Variants in GALNT2 observed in about 807,000 individuals in gnomAD.
The protein encoded by GALNT2 is polypeptide N-acetylgalactosaminyltransferase 2.
In GALNT2, 31 loss-of-function variants were observed where a neutral mutation model predicts 81.4. The ratio of observed to expected loss-of-function variants is 0.38; its 90% CI spans 0.29 to 0.51. The LOEUF is 0.51. Among genes scored for constraint, GALNT2 ranks in the 20% least tolerant of loss-of-function variants. The pLI, the probability that GALNT2 is intolerant of heterozygous loss-of-function variation, is 0.87. For synonymous variants in GALNT2, 303 were observed against 287.4 expected (o/e 1.05, Z -0.55); for missense variants, 629 against 765.7 (o/e 0.82, Z 2.11).
intron 13 of GALNT2, chr1:230,265,037 C>A: frequency 1.8e-6 from 1 of 560,642 alleles, no homozygotes; most frequent in Non-Finnish European, 3.2e-6. Flanking sequence ...AACATACAGT[C>A]TTAAAGTGTT....
Position 230,278,051 on chromosome 1 carries a change from C to CT in GALNT2, c.1561-1241dup, listed in dbSNP as rs551826236. Among the ~76,000 whole-genome samples, 415 of 139,292 alleles carry CT rather than the reference C, an allele frequency of 3.0e-3. 1 individual carries two copies. Among genetic ancestry groups the CT allele is most frequent in the African/African-American group, 9.3e-3 (354 of 37,866 alleles). The allele number at this position is 139,292 out of a possible 152,430, so 91.4% of individuals were successfully genotyped here. ...AGCTTTGGGGAAGAAAAAAATGTTACTTTTTTTTTTTAAGAACAAACATTA... is the reference window on the plus strand; with the variant it reads ...AGCTTTGGGGAAGAAAAAAATGTTACTTTTTTTTTTTTAAGAACAAACATTA... On this transcript the variant is annotated intron_variant, in intron 15 of 15. Coordinates refer to ENST00000366672, the MANE Select transcript of GALNT2 (RefSeq NM_004481.5).
At chr1:230,121,711 T>C (rs1366619091) in intron 1 of GALNT2, among the ~76,000 whole-genome samples, 1 of 152,120 alleles carries the variant, frequency 6.6e-6, no homozygotes, top group African/African-American at 2.4e-5. Flanking sequence ...GAACTTTCCA[T>C]GCCCACGGAG....
intron 3 of GALNT2, among the ~76,000 whole-genome samples, chr1:230,207,362 C>T (rs1664093690): frequency 6.6e-6 from 1 of 152,042 alleles, no homozygotes; most frequent in Admixed American, 6.5e-5. Flanking sequence ...CCCCTTATTA[C>T]CCTGAAGGAT....
intron 11 of GALNT2, among the ~76,000 whole-genome samples, chr1:230,255,681 A>T (rs1051476846): frequency 1.3e-5 from 2 of 152,126 alleles, no homozygotes; most frequent in African/African-American, 2.4e-5. Flanking sequence ...GAGGGGCAGC[A>T]CCAGGGATGT....
intron 1 of GALNT2, among the ~76,000 whole-genome samples, chr1:230,174,943 C>CT (rs1662913598): frequency 6.6e-6 from 1 of 152,206 alleles, no homozygotes; most frequent in African/African-American, 2.4e-5. Flanking sequence ...TACAGCCTTC[C>CT]TGGGGGCCCT....
At chr1:230,219,692 C>T (rs12403323) in intron 3 of GALNT2, among the ~76,000 whole-genome samples, 35,333 of 152,034 alleles carry the variant, frequency 0.23, 6,843 homozygotes, top group East Asian at 0.73. Context: ...AGACTTCTGA[C>T]GTGGATGCAT....
chr1:230,145,918 C>T (rs1572017073), intron 1 of GALNT2, among the ~76,000 whole-genome samples: 1 of 152,264 alleles, frequency 6.6e-6, no homozygotes, highest in East Asian at 1.9e-4. Flanking sequence ...ATGCTCGCCG[C>T]TTGCATTTTT....
chr1:230,183,926 C>T (rs1279205188), intron 2 of GALNT2, among the ~76,000 whole-genome samples: 3 of 150,528 alleles, frequency 2.0e-5, no homozygotes, highest in East Asian at 2.0e-4. Flanking sequence ...TGCAGTGAGC[C>T]GAGATCGTAC....
chr1:230,150,808 G>C (rs1287793064), intron 1 of GALNT2, among the ~76,000 whole-genome samples: 1 of 152,188 alleles, frequency 6.6e-6, no homozygotes, highest in Non-Finnish European at 1.5e-5. Flanking sequence ...CAGAATGGGG[G>C]CTTTGACTGC....
At chr1:230,078,074 G>T (rs574474846) in intron 1 of GALNT2, among the ~76,000 whole-genome samples, 12 of 152,226 alleles carry the variant, frequency 7.9e-5, no homozygotes, top group Non-Finnish European at 1.6e-4. Context: ...CTGCATTCCA[G>T]TCGGGGGTGG....
At chr1:230,072,662 C>T (rs1430920526) in intron 1 of GALNT2, among the ~76,000 whole-genome samples, 2 of 152,214 alleles carry the variant, frequency 1.3e-5, no homozygotes, top group Non-Finnish European at 2.9e-5. Context: ...AACACACTGG[C>T]TTAGCCATGC....
At chr1:230,225,221 A>T (rs888483290) in intron 3 of GALNT2, among the ~76,000 whole-genome samples, 1 of 152,370 alleles carries the variant, frequency 6.6e-6, no homozygotes, top group East Asian at 1.9e-4. Flanking sequence ...ACAACAGCTA[A>T]TGAACTTTTT....
chr1:230,130,025 G>A (rs764994746), intron 1 of GALNT2, among the ~76,000 whole-genome samples: 13 of 152,212 alleles, frequency 8.5e-5, no homozygotes, highest in Admixed American at 6.5e-5. Context: ...TGACCTCCAT[G>A]TTCTTACTTG....
intron 1 of GALNT2, among the ~76,000 whole-genome samples, chr1:230,144,432 A>G (rs1376065835): frequency 2.6e-5 from 4 of 152,218 alleles, no homozygotes; most frequent in African/African-American, 4.8e-5. Flanking sequence ...ATAAAAGCTC[A>G]GAGTAGCCGG....
intron 1 of GALNT2, among the ~76,000 whole-genome samples, chr1:230,130,024 T>C (rs1428714303): frequency 2.0e-5 from 3 of 152,256 alleles, no homozygotes; most frequent in Admixed American, 6.5e-5. Flanking sequence ...ATGACCTCCA[T>C]GTTCTTACTT....
At chr1:230,067,459 C>A in intron 1 of GALNT2, 53 bp downstream of exon 1, 2 of 653,178 alleles carry the variant, frequency 3.1e-6, no homozygotes, top group Non-Finnish European at 4.1e-6. Flanking sequence ...CCCCACCCTG[C>A]GCCCCTGTCC....
chr1:230,085,691 G>A (rs1442781816), intron 1 of GALNT2, among the ~76,000 whole-genome samples: 3 of 152,198 alleles, frequency 2.0e-5, no homozygotes, highest in African/African-American at 4.8e-5. Context: ...GTTGAAGTCC[G>A]GGGCAGTCTA....
intron 6 of GALNT2, 76 bp downstream of exon 6, chr1:230,236,801 G>T: frequency 2.1e-6 from 3 of 1,401,032 alleles, no homozygotes; most frequent in South Asian, 2.6e-5. Flanking sequence ...AAGTGCTTTA[G>T]CTCAAAGAGC....
intron 1 of GALNT2, chr1:230,092,090 A>G (rs1219439048): frequency 1.3e-4 from 19 of 151,826 alleles, no homozygotes; most frequent in Admixed American, 1.2e-3. Context: ...GACTTTCAAC[A>G]TTCTTTAGTA....
Sources: allele counts gnomAD v4.1 joint callset (sites outside exome capture counted in the v4.1 genomes callset), GRCh38; gene constraint gnomAD v4.1.1; transcripts MANE v1.5; gene names NCBI Gene and HGNC (gene_info 2026-07-23, HGNC 2026-07-21).